Variants in ITPK1 observed in about 807,000 individuals in gnomAD.
ITPK1 encodes inositol-tetrakisphosphate 1-kinase.
Under a neutral mutation model 45.3 loss-of-function variants are expected in ITPK1, and 21 were observed. The ratio of observed to expected loss-of-function variants is 0.46; its 90% confidence interval spans 0.33 to 0.67. The LOEUF (loss-of-function observed/expected upper bound fraction) is 0.67. ITPK1 is among the 30% of genes least tolerant of loss of function. The pLI is 0.02. For missense variants in ITPK1, 474 were observed against 573.5 expected (o/e 0.83, Z 1.77); for synonymous variants, 258 against 253.6 (o/e 1.02, Z -0.16).
intron 4 of ITPK1, among the ~76,000 whole-genome samples, chr14:93,007,537 CAG>C (rs1887684207): frequency 6.6e-6 from 1 of 152,186 alleles, no homozygotes; most frequent in African/African-American, 2.4e-5. Context: ...CATCCAGAAT[CAG>C]GGCACAGTTT....
chr14:93,009,923 C>T (rs1887807129), intron 4 of ITPK1, among the ~76,000 whole-genome samples: 1 of 152,220 alleles, frequency 6.6e-6, no homozygotes, highest in Non-Finnish European at 1.5e-5. Flanking sequence ...CACTTTCTAC[C>T]TGACCCTGGG....
chr14:93,050,691 A>C (rs1889968007), intron 3 of ITPK1, among the ~76,000 whole-genome samples: 1 of 151,878 alleles, frequency 6.6e-6, no homozygotes, highest in African/African-American at 2.4e-5. Flanking sequence ...CCACAAGAGT[A>C]ATTCTGGAGA....
chr14:93,055,401 C>T (rs2139937599), intron 3 of ITPK1, among the ~76,000 whole-genome samples: 1 of 152,272 alleles, frequency 6.6e-6, no homozygotes, highest in South Asian at 2.1e-4. Flanking sequence ...CCCACACCAG[C>T]CCTCAGCCCC....
intron 3 of ITPK1, among the ~76,000 whole-genome samples, chr14:93,065,406 T>C (rs1448324873): frequency 6.6e-6 from 1 of 152,202 alleles, no homozygotes; most frequent in Non-Finnish European, 1.5e-5. Flanking sequence ...CACCAGTAAA[T>C]AATCACAAAC....
At chr14:92,987,937 C>A (rs143578952) in intron 5 of ITPK1, among the ~76,000 whole-genome samples, 2 of 152,216 alleles carry the variant, frequency 1.3e-5, no homozygotes, top group Admixed American at 6.5e-5. Context: ...CGCCTCATGC[C>A]GGCAACGCAC....
At chr14:93,009,261 A>G (rs1271857478) in intron 4 of ITPK1, among the ~76,000 whole-genome samples, 1 of 152,210 alleles carries the variant, frequency 6.6e-6, no homozygotes, top group Non-Finnish European at 1.5e-5. Flanking sequence ...TTTGGGGAAA[A>G]TGTATTATTG....
At chr14:93,110,971 TTCCTCATCCCTCCATCCCAACGAGGGATG>T (rs1334642178) in intron 2 of ITPK1, among the ~76,000 whole-genome samples, 5 of 152,098 alleles carry the variant, frequency 3.3e-5, no homozygotes, top group Non-Finnish European at 7.4e-5. Context: ...GAGCCTCTGT[TTCCTCATCCCTCCATCCCAACGAGGGATG>T]TCCTCATCCC....
chr14:92,994,061 G>A (rs1000348344), intron 4 of ITPK1, 64 bp from the exon 5 acceptor site: 9 of 1,022,668 alleles, frequency 8.8e-6, no homozygotes, highest in African/African-American at 4.7e-5. Flanking sequence ...CTCACCCCTC[G>A]CGCCCTCTGC....
chr14:93,028,127 C>A (rs902948935), intron 3 of ITPK1, among the ~76,000 whole-genome samples: 12 of 152,248 alleles, frequency 7.9e-5, no homozygotes, highest in Non-Finnish European at 1.6e-4. Context: ...CCACAGGACG[C>A]GTCCTGGCCA....
chr14:92,971,972 C>G (rs1416086304), intron 5 of ITPK1, among the ~76,000 whole-genome samples: 1 of 152,214 alleles, frequency 6.6e-6, no homozygotes, highest in Non-Finnish European at 1.5e-5. Context: ...AGGGCTGTGG[C>G]CCAGCACCGC....
Position 92,941,503 on chromosome 14 carries a change from C to T in ITPK1, c.*58G>A. The T allele has an allele frequency of 6.9e-7, 1 of 1,457,466 alleles. No homozygotes were observed. 90.3% of individuals were successfully genotyped at this position (1,457,466 alleles called of 1,614,324 possible). A position where few individuals can be genotyped will look rare whatever the true frequency, so the allele number is the denominator to read the frequency against. On this transcript the variant is annotated 3_prime_UTR_variant, in exon 11 of 11. Transcript: ENST00000267615. The stretch of plus-strand genomic sequence containing the variant: ...GTAGTAGCATCGCCGTTGGGAGCTG[C>T]TGGCCCAGCGGGTGTGCTCTGCGCC...
At chr14:93,091,810 A>G (rs1352247643) in intron 2 of ITPK1, among the ~76,000 whole-genome samples, 1 of 152,088 alleles carries the variant, frequency 6.6e-6, no homozygotes, top group East Asian at 1.9e-4. Flanking sequence ...AGGCAAACCT[A>G]GCTCTGCCAG....
At chr14:93,039,109 C>T (rs1323615625) in intron 3 of ITPK1, among the ~76,000 whole-genome samples, 3 of 152,194 alleles carry the variant, frequency 2.0e-5, no homozygotes, top group Non-Finnish European at 2.9e-5. Flanking sequence ...CCAGCTCTCA[C>T]GGGGGTGCTG....
intron 5 of ITPK1, among the ~76,000 whole-genome samples, chr14:92,977,101 T>C (rs1357464018): frequency 6.6e-6 from 1 of 152,214 alleles, no homozygotes; most frequent in Admixed American, 6.5e-5. Flanking sequence ...GTCCTGCTCA[T>C]AGGATTGCTG....
At position 92,958,683 on chromosome 14, in the gene ITPK1, G is replaced by A. The variant is rs754443924; in HGVS notation, c.505-317C>T. On this transcript the variant is annotated intron_variant, in intron 7 of 10. Transcript: ENST00000267615. The surrounding 1 kb of genome is among the most constrained non-coding windows in gnomAD (Gnocchi z 4.4). ...GTCGCACTGTGGTCCAGGGAAGGGG[G>A]CCGCTGAGGTTGTGTGCTGCTCAAC... Among the ~76,000 whole-genome samples, 6 of 152,214 alleles carry A rather than the reference G, an allele frequency of 3.9e-5. No homozygotes were observed. The highest frequency in any genetic ancestry group is 7.3e-5 in the Non-Finnish European group (5 of 68,034).
rs755505294 is a variant in ITPK1 at position 92,941,716 on chromosome 14, T to C, written c.1090A>G (p.Ser364Gly). Residue 364 changes from serine (S) to glycine (G), a missense_variant, in exon 11 of 11, where the codon AGC becomes GGC. By Grantham distance (56) the Ser-to-Gly change is moderately conservative (BLOSUM62 0). Transcript: ENST00000267615. ...CAGGGCGCGTCCTGGCCCATCATGC[T>C]GCCGCAGCAGCCGGGGCTGGCGCTG... ...TCSASPGCCGSMMGQDAPWKA... is the reference protein window; with the variant it reads ...TCSASPGCCGGMMGQDAPWKA... 2.7e-5 allele frequency: 42 copies of C among 1,577,522 alleles called. No homozygotes were observed. Among genetic ancestry groups the C allele is most frequent in the Non-Finnish European group, 3.4e-5 (39 of 1,164,112 alleles).
intron 3 of ITPK1, among the ~76,000 whole-genome samples, chr14:93,031,433 G>C (rs1041355175): frequency 1.3e-5 from 2 of 152,216 alleles, no homozygotes; most frequent in Non-Finnish European, 2.9e-5. Flanking sequence ...CCTGGTACAG[G>C]CTGTAAGCGC....
chr14:92,986,463 A>G (rs1410877133), intron 5 of ITPK1, among the ~76,000 whole-genome samples: 1 of 152,202 alleles, frequency 6.6e-6, no homozygotes, highest in African/African-American at 2.4e-5. Flanking sequence ...CTGTTCACCA[A>G]CTGGCCTAGG....
chr14:93,061,554 G>A (rs1233907270), intron 3 of ITPK1, among the ~76,000 whole-genome samples: 1 of 152,242 alleles, frequency 6.6e-6, no homozygotes, highest in Non-Finnish European at 1.5e-5. Flanking sequence ...GTTGCTGTAT[G>A]CGTGCCTGGT....
Sources: allele counts gnomAD v4.1 joint callset (sites outside exome capture counted in the v4.1 genomes callset), GRCh38; gene constraint gnomAD v4.1.1; non-coding constraint Gnocchi (gnomAD v3.1); transcripts MANE v1.5; gene names NCBI Gene and HGNC (gene_info 2026-07-23, HGNC 2026-07-21).